SLC1A2: variants seen among roughly 807,000 people sequenced by gnomAD.
The protein encoded by SLC1A2 is solute carrier family 1 member 2, also known as excitatory amino acid transporter 2.
A neutral mutation model predicts 48.8 loss-of-function variants in SLC1A2; 15 were observed. That is an observed-to-expected ratio of 0.31 (90% confidence interval 0.21 to 0.47). The LOEUF (loss-of-function observed/expected upper bound fraction) is 0.47, where lower values mean the gene tolerates loss of function less well. SLC1A2 is among the 20% of genes least tolerant of loss of function. SLC1A2 has a pLI of 0.99. For missense variants in SLC1A2, 502 were observed against 730.5 expected (o/e 0.69, Z 3.61); for synonymous variants, 279 against 272.6 (o/e 1.02, Z -0.23).
At chr11:35,296,276 G>A (rs1851170641) in intron 6 of SLC1A2, among the ~76,000 whole-genome samples, 1 of 152,146 alleles carries the variant, frequency 6.6e-6, no homozygotes, top group Admixed American at 6.5e-5. Context: ...AGCACCTCTG[G>A]TTCTGTCCCA....
At chr11:35,339,853 G>C (rs922321040) in intron 1 of SLC1A2, among the ~76,000 whole-genome samples, 1 of 152,046 alleles carries the variant, frequency 6.6e-6, no homozygotes, top group Non-Finnish European at 1.5e-5. Flanking sequence ...CAAATGAGAG[G>C]GTGACTCACA....
intron 2 of SLC1A2, chr11:35,317,059 G>A (rs550780940): frequency 7.3e-6 from 2 of 275,380 alleles, no homozygotes; most frequent in East Asian, 1.3e-4. Flanking sequence ...ACCTAGGTTT[G>A]CTAATATGTA....
intron 1 of SLC1A2, among the ~76,000 whole-genome samples, chr11:35,338,559 CTCT>C (rs754056509): frequency 6.6e-6 from 1 of 152,138 alleles, no homozygotes; most frequent in Non-Finnish European, 1.5e-5. Context: ...GAAGGAGGAG[CTCT>C]TCTTTGCTGA....
At chr11:35,354,919 C>T (rs1853401967) in intron 1 of SLC1A2, among the ~76,000 whole-genome samples, 2 of 152,186 alleles carry the variant, frequency 1.3e-5, no homozygotes, top group Admixed American at 6.5e-5. Context: ...GAATTTCCTC[C>T]GTTCTAATTA....
chr11:35,341,357 A>C (rs1198429933), intron 1 of SLC1A2, among the ~76,000 whole-genome samples: 3 of 152,236 alleles, frequency 2.0e-5, no homozygotes, highest in African/African-American at 7.2e-5. Flanking sequence ...GCATATTTTA[A>C]CTACCAGCTG....
intron 1 of SLC1A2, among the ~76,000 whole-genome samples, chr11:35,385,528 A>G (rs1283496969): frequency 6.6e-6 from 1 of 152,154 alleles, no homozygotes; most frequent in Non-Finnish European, 1.5e-5. Flanking sequence ...TAGCAGTCAA[A>G]TGTTCTTTCT....
intron 1 of SLC1A2, among the ~76,000 whole-genome samples, chr11:35,394,575 G>A (rs1009502861): frequency 3.3e-5 from 5 of 152,192 alleles, no homozygotes; most frequent in African/African-American, 1.2e-4. Context: ...GACCCCTTCT[G>A]TTTCCTAGAG....
In SLC1A2 at chr11:35,411,080, C is replaced by T. The variant is rs1179733000; in HGVS notation, c.17+7870G>A. Among the ~76,000 whole-genome samples, 3 of 152,090 alleles carry T rather than the reference C, an allele frequency of 2.0e-5. No homozygotes were observed. In the East Asian group the frequency reaches 5.8e-4, roughly 29 times the overall value. On this transcript the variant is annotated intron_variant, in intron 1 of 10. Coordinates refer to ENST00000278379, the MANE Select transcript of SLC1A2 (RefSeq NM_004171.4). ...AATTATGACCTAAAAATCAATAATC[C>T]TTCAAATGCTAAGATTCTATGATGA...
intron 1 of SLC1A2, among the ~76,000 whole-genome samples, chr11:35,382,370 C>G (rs1854454625): frequency 6.6e-6 from 1 of 152,218 alleles, no homozygotes; most frequent in South Asian, 2.1e-4. Context: ...TAGAGTGATT[C>G]TTCAAGATGG....
intron 1 of SLC1A2, among the ~76,000 whole-genome samples, chr11:35,408,001 A>G (rs1228639128): frequency 1.3e-5 from 2 of 152,214 alleles, no homozygotes; most frequent in African/African-American, 4.8e-5. Flanking sequence ...TCCACTCGCC[A>G]CAAATGCTAA....
chr11:35,313,186 G>A (rs1851760986), intron 3 of SLC1A2, among the ~76,000 whole-genome samples: 1 of 152,102 alleles, frequency 6.6e-6, no homozygotes, highest in Admixed American at 6.5e-5. Flanking sequence ...TCCTCACTTG[G>A]AAGACTAAAA....
chr11:35,260,866 A>T lies in SLC1A2; in HGVS notation c.*28T>A, dbSNP rs1481355989. 1 of 1,514,076 alleles carries T rather than the reference A, an allele frequency of 6.6e-7. No homozygotes were observed. Among genetic ancestry groups the T allele is most frequent in the African/African-American group, 1.4e-5 (1 of 73,008 alleles). The allele number at this position is 1,514,076 out of a possible 1,614,324, so 93.8% of individuals were successfully genotyped here. ...TACCATAGGATACGCTGGGGAGTTT[A>T]TTCAAGAATTTGCTGAGACTCATAT... is the stretch of plus-strand genomic sequence containing the variant. On this transcript the variant is annotated 3_prime_UTR_variant, in exon 11 of 11. Coordinates refer to ENST00000278379, the MANE Select transcript of SLC1A2 (RefSeq NM_004171.4).
At chr11:35,329,318 A>G (rs191030391) in intron 1 of SLC1A2, among the ~76,000 whole-genome samples, 33 of 152,336 alleles carry the variant, frequency 2.2e-4, no homozygotes, top group Admixed American at 2.0e-3. Context: ...GTCCAAACCC[A>G]TGAATGTACA....
At chr11:35,377,969 C>T (rs971869982) in intron 1 of SLC1A2, among the ~76,000 whole-genome samples, 4 of 152,224 alleles carry the variant, frequency 2.6e-5, no homozygotes, top group African/African-American at 9.7e-5. Flanking sequence ...AATAAAAATA[C>T]TTGCACATGG....
intron 1 of SLC1A2, among the ~76,000 whole-genome samples, chr11:35,362,565 G>A (rs1349439673): frequency 6.6e-6 from 1 of 152,060 alleles, no homozygotes; most frequent in Non-Finnish European, 1.5e-5. Flanking sequence ...ACTATTCACG[G>A]GACTGTAGTG....
intron 1 of SLC1A2, chr11:35,370,816 A>G (rs994482555): frequency 3.7e-6 from 1 of 268,624 alleles, no homozygotes; most frequent in African/African-American, 2.3e-5. Context: ...GCATTGCAGC[A>G]GCCAGGTAGA....
intron 6 of SLC1A2, among the ~76,000 whole-genome samples, chr11:35,300,760 A>G (rs556543408): frequency 1.3e-5 from 2 of 152,346 alleles, no homozygotes; most frequent in African/African-American, 4.8e-5. Flanking sequence ...TCATGCCTAT[A>G]ATCCCAGCAC....
chr11:35,330,879 C>T (rs1163653221), intron 1 of SLC1A2, among the ~76,000 whole-genome samples: 1 of 152,156 alleles, frequency 6.6e-6, no homozygotes, highest in Non-Finnish European at 1.5e-5. Context: ...CCAGTGAGAC[C>T]CAACTCAGAT....
intron 9 of SLC1A2, among the ~76,000 whole-genome samples, chr11:35,267,059 A>T (rs1014013272): frequency 1.3e-5 from 2 of 152,206 alleles, no homozygotes; most frequent in African/African-American, 4.8e-5. Context: ...CCATCTGAGA[A>T]TGCTCTTGCG....
Sources: allele counts gnomAD v4.1 joint callset (sites outside exome capture counted in the v4.1 genomes callset), GRCh38; gene constraint gnomAD v4.1.1; transcripts MANE v1.5; gene names NCBI Gene and HGNC (gene_info 2026-07-23, HGNC 2026-07-21).